TEX14: variants seen among roughly 807,000 people sequenced by gnomAD.
TEX14 encodes the protein inactive serine/threonine-protein kinase TEX14.
In TEX14, 168 loss-of-function variants were observed where a neutral mutation model predicts 178.6. That is an observed-to-expected ratio of 0.94 (90% CI 0.83 to 1.07). TEX14 has a LOEUF of 1.07. TEX14 is among the 50% of genes least tolerant of loss of function. The probability of loss-of-function intolerance (pLI) is 0.00; values close to 1 mark genes in which losing one functional copy is unlikely to be tolerated. For missense variants in TEX14, 1,730 were observed against 1,753.6 expected (o/e 0.99, Z 0.24); for synonymous variants, 626 against 634.1 (o/e 0.99, Z 0.19).
intron 1 of TEX14, among the ~76,000 whole-genome samples, chr17:58,670,951 T>C (rs2047295952): frequency 6.6e-6 from 1 of 152,144 alleles, no homozygotes; most frequent in Non-Finnish European, 1.5e-5. Flanking sequence ...AAACAACGTG[T>C]ACACAATAAA....
intron 15 of TEX14, among the ~76,000 whole-genome samples, chr17:58,590,833 G>T (rs530162659): frequency 1.3e-5 from 2 of 152,034 alleles, no homozygotes; most frequent in African/African-American, 4.8e-5. Context: ...GGGATTACAG[G>T]TGGGAGCCAC....
At position 58,577,428 on chromosome 17, in the gene TEX14, A is replaced by C. The variant is rs1268554856; in HGVS notation, c.3267T>G (p.Ile1089Met). The stretch of plus-strand genomic sequence containing the variant: ...GCAAAATCTCAGCATTCTTTCCAAG[A>C]ATTTTTCTCATTTGGAACTTTTCCT... ...SGEEKFQMRK[I>M]LGKNAEILPR... The change falls in exon 21 of 32, where the codon ATT becomes ATG. Residue 1089 changes from isoleucine to methionine, a missense_variant. By Grantham distance (10) the Ile-to-Met change is conservative. This residue lies in a region of TEX14 where 941 missense variants were observed against 1,072.4 expected (regional missense o/e 0.88). Transcript: ENST00000349033. 6.6e-7 allele frequency: 1 copy of C among 1,506,468 alleles called. No homozygotes were observed. The highest frequency in any genetic ancestry group is 2.5e-5 in the East Asian group (1 of 39,340). The allele number at this position is 1,506,468 out of a possible 1,614,324, so 93.3% of individuals were successfully genotyped here.
intron 1 of TEX14, among the ~76,000 whole-genome samples, chr17:58,657,732 G>A (rs2046999926): frequency 1.3e-5 from 2 of 152,122 alleles, no homozygotes; most frequent in East Asian, 3.9e-4. Flanking sequence ...GGTGTAGGCT[G>A]AACTAACTTT....
chr17:58,564,822 C>T, intron 28 of TEX14, 47 bp downstream of exon 28: 1 of 1,217,824 alleles, frequency 8.2e-7, no homozygotes. Context: ...CTAACATAAA[C>T]TATACAATTT....
chr17:58,602,420 T>C lies in TEX14; in HGVS notation c.1507A>G (p.Ile503Val), dbSNP rs200120494. 3.1e-6 allele frequency: 5 copies of C among 1,613,876 alleles called. No homozygotes were observed. Among genetic ancestry groups the C allele is most frequent in the Admixed American group, 1.7e-5 (1 of 59,980 alleles). ...CTTGCCTTTAAGTCATTCTTCAGAA[T>C]ATACCGGATATCTTGAAGGTTCATA... Reference protein sequence around the residue: ...RTMNLQDIRYILKNDLKDFTG... With the variant: ...RTMNLQDIRYVLKNDLKDFTG... Residue 503 changes from isoleucine to valine, a missense_variant, in exon 12 of 32, where the codon ATT (isoleucine) becomes GTT (valine). By Grantham distance (29) the Ile-to-Val change is conservative. Transcript: ENST00000349033.
At chr17:58,652,419 T>G (rs773771514) in intron 1 of TEX14, among the ~76,000 whole-genome samples, 3 of 152,110 alleles carry the variant, frequency 2.0e-5, no homozygotes, top group Non-Finnish European at 2.9e-5. Flanking sequence ...TGAGATCTGA[T>G]GGTTTTATAA....
intron 2 of TEX14, among the ~76,000 whole-genome samples, chr17:58,646,910 T>TA (rs1490422578): frequency 3.5e-5 from 5 of 143,898 alleles, no homozygotes; most frequent in Non-Finnish European, 7.6e-5. Context: ...AGCACACTCT[T>TA]TTTTTTTTTT....
intron 10 of TEX14, among the ~76,000 whole-genome samples, chr17:58,607,480 T>A (rs1477457813): frequency 7.8e-6 from 1 of 128,222 alleles, no homozygotes; most frequent in East Asian, 2.3e-4. Context: ...TGCCCCTGTA[T>A]CCTGGAGACA....
At chr17:58,591,098 G>C (rs1054248772) in intron 15 of TEX14, among the ~76,000 whole-genome samples, 2 of 151,976 alleles carry the variant, frequency 1.3e-5, no homozygotes, top group Non-Finnish European at 2.9e-5. Flanking sequence ...AACAACTATG[G>C]GTTTTTCTTT....
rs892511619 is a variant in TEX14, at chr17:58,569,447, C to T, written c.3818-187G>A. The stretch of plus-strand genomic sequence containing the variant: ...TCCTAACATGTGAATGGCCTTTACT[C>T]CCCACTTCTACCCCAATCCCTTTCC... On this transcript the variant is annotated intron_variant, in intron 25 of 31. Transcript: ENST00000349033. This position sits in a 1 kb window ranked among gnomAD's most constrained non-coding sequence, Gnocchi z 4.1. Among the ~76,000 whole-genome samples, 3 of 152,136 alleles carry T rather than the reference C, an allele frequency of 2.0e-5. No homozygotes were observed. Among genetic ancestry groups the T allele is most frequent in the Non-Finnish European group, 4.4e-5 (3 of 68,026 alleles).
At position 58,556,718 on chromosome 17, in the gene TEX14, T is replaced by TA. The variant is rs2044143230; in HGVS notation, c.*292dup. The TA allele has an allele frequency of 2.7e-6, 1 of 375,420 alleles. No individual in the cohort carries two copies. Among genetic ancestry groups the TA allele is most frequent in the African/African-American group, 2.1e-5 (1 of 48,568 alleles). 23.3% of individuals were successfully genotyped at this position (375,420 alleles called of 1,614,324 possible). ...AAACATTTTATTATATAACAAGAGT[T>TA]AAAGTTTTTGAAAATTAACATCAAC... On this transcript the variant is annotated 3_prime_UTR_variant, in exon 32 of 32. Coordinates refer to ENST00000349033, the MANE Select transcript of TEX14 (RefSeq NM_031272.5).
At chr17:58,656,536 A>G (rs1181314940) in intron 1 of TEX14, among the ~76,000 whole-genome samples, 2 of 152,062 alleles carry the variant, frequency 1.3e-5, no homozygotes, top group African/African-American at 4.8e-5. Flanking sequence ...CAGGTGGATC[A>G]TGAGGTCGGG....
At chr17:58,631,849 T>C (rs1044010869) in intron 2 of TEX14, 5 of 152,336 alleles carry the variant, frequency 3.3e-5, no homozygotes, top group East Asian at 3.9e-4. Flanking sequence ...TGTCCATTTA[T>C]GTGCCTTCCA....
In TEX14 at chr17:58,593,203, C is replaced by G. The variant is rs530977439; in HGVS notation, c.2576+352G>C. 1.6e-3 allele frequency among the ~76,000 whole-genome samples: 247 copies of G among 152,148 alleles called. 1 individual carries two copies. The highest frequency in any genetic ancestry group is 2.6e-3 in the Non-Finnish European group (179 of 67,942). On this transcript the variant is annotated intron_variant, in intron 15 of 31. Coordinates refer to ENST00000349033, the MANE Select transcript of TEX14 (RefSeq NM_031272.5). ...GTCAGTGACACTTACTTTAAACAACCCTGGTTTCCAATTAGTTTAGTTTCT... is the reference window on the plus strand; with the variant it reads ...GTCAGTGACACTTACTTTAAACAACGCTGGTTTCCAATTAGTTTAGTTTCT...
At chr17:58,681,319 C>T (rs769743518) in intron 1 of TEX14, among the ~76,000 whole-genome samples, 2 of 151,962 alleles carry the variant, frequency 1.3e-5, no homozygotes, top group Non-Finnish European at 2.9e-5. Flanking sequence ...CAACTGAGAA[C>T]ATAGAGGTGT....
rs17854030 is a variant in TEX14, at chr17:58,611,202, T to A, written c.1143A>T (p.Pro381=). 1 of 1,613,962 alleles carries A rather than the reference T, an allele frequency of 6.2e-7. No individual in the cohort carries two copies. Among genetic ancestry groups the A allele is most frequent in the Non-Finnish European group, 8.5e-7 (1 of 1,179,924 alleles). The change falls in exon 10 of 32, where the codon CCA becomes CCT. Residue 381 remains proline, a synonymous_variant. Transcript: ENST00000349033. ...CCAGGTTGGTCAGCCTCGCTTCACC[T>A]GGGGAGATGATATGGACAGCATAGG... ...LSSYAVHIIS[P]GEARLTNLEY...
intron 1 of TEX14, chr17:58,659,388 A>G: frequency 1.1e-6 from 1 of 950,590 alleles, no homozygotes; most frequent in Non-Finnish European, 1.3e-6. Flanking sequence ...AGTTGTTTTT[A>G]GGCATCGCTT....
rs114452270 is a variant in TEX14 at position 58,681,240 on chromosome 17, C to T, written c.-2+10699G>A. Reference sequence around the variant, plus strand: ...TGCCATTGCACTCCAGCCTGAGCAACAAGATCGAAACTCCATCTCTAATGA... The same window carrying T: ...TGCCATTGCACTCCAGCCTGAGCAATAAGATCGAAACTCCATCTCTAATGA... On this transcript the variant is annotated intron_variant, in intron 1 of 31. Transcript: ENST00000349033. Among the ~76,000 whole-genome samples, 1,299 of 152,172 alleles carry T rather than the reference C, an allele frequency of 8.5e-3. 19 individuals carry two copies. Among genetic ancestry groups the T allele is most frequent in the African/African-American group, 0.029 (1,212 of 41,524 alleles).
intron 1 of TEX14, among the ~76,000 whole-genome samples, chr17:58,691,666 C>CAA (rs34546660): frequency 0.62 from 65,865 of 106,520 alleles, 19,312 homozygotes; most frequent in Middle Eastern, 0.69. Flanking sequence ...GACTCTGTCT[C>CAA]AAAAAAAAAA....
Sources: gnomAD v4.1 joint callset for allele counts (sites outside exome capture counted in the v4.1 genomes callset) on GRCh38, gnomAD v4.1.1 for gene constraint, gnomAD v4.1.1 regional missense constraint, Gnocchi (gnomAD v3.1) non-coding constraint, MANE v1.5 for transcripts, NCBI Gene and HGNC (gene_info 2026-07-23, HGNC 2026-07-21) for gene names.